The following CCDC171 variants were observed in gnomAD, a reference collection of about 807,000 sequenced individuals.
The protein encoded by CCDC171 is coiled-coil domain containing 171, also known as coiled-coil domain-containing protein 171.
A neutral mutation model predicts 168.2 loss-of-function variants in CCDC171; 177 were observed. That is an observed-to-expected ratio of 1.05 (90% confidence interval 0.93 to 1.19). The LOEUF (loss-of-function observed/expected upper bound fraction) is 1.19, where lower values mean the gene tolerates loss of function less well. Ranked by LOEUF, CCDC171 falls within the 50% of genes most tolerant of loss-of-function variation. CCDC171 has a pLI of 0.00. For missense variants in CCDC171, 1,991 were observed against 1,539.0 expected (o/e 1.29, Z -4.91); for synonymous variants, 687 against 540.8 (o/e 1.27, Z -3.75).
At chr9:15,689,497 G>T (rs1299329660) in intron 10 of CCDC171, among the ~76,000 whole-genome samples, 1 of 152,190 alleles carries the variant, frequency 6.6e-6, no homozygotes, top group Non-Finnish European at 1.5e-5. Context: ...GATCACTTGA[G>T]GTCTGGAGTT....
chr9:15,556,685 T>C (rs1220240537), intron 1 of CCDC171, among the ~76,000 whole-genome samples: 3 of 152,034 alleles, frequency 2.0e-5, no homozygotes, highest in Non-Finnish European at 2.9e-5. Context: ...TCCCATTCTG[T>C]AGGTTGCCTG....
At chr9:15,847,840 T>G (rs932608886) in intron 22 of CCDC171, among the ~76,000 whole-genome samples, 1 of 152,076 alleles carries the variant, frequency 6.6e-6, no homozygotes, top group African/African-American at 2.4e-5. Context: ...TGCTCAAACA[T>G]AATGAAAACA....
At chr9:15,729,228 T>C (rs1213434180) in intron 15 of CCDC171, among the ~76,000 whole-genome samples, 2 of 152,192 alleles carry the variant, frequency 1.3e-5, no homozygotes, top group East Asian at 1.9e-4. Context: ...CTTTATTTCA[T>C]GTAAACTGTT....
chr9:15,724,756 TTA>T lies in CCDC171; in HGVS notation c.1492-18_1492-17del. On this transcript the variant is annotated intron_variant, in intron 13 of 25. Transcript: ENST00000380701. ...GTTGGCTGGCCTTTCTACAATCTCT[TTA>T]TTTGGTATCTATGACAGGAACTTCA... 1 of 1,590,432 alleles carries T rather than the reference TTA, an allele frequency of 6.3e-7. No homozygotes were observed. The highest frequency in any genetic ancestry group is 8.6e-7 in the Non-Finnish European group (1 of 1,159,648).
Position 15,868,498 on chromosome 9 carries a change from TGAGA to T in CCDC171, c.3469-6018_3469-6015del, listed in dbSNP as rs71325945. Among the ~76,000 whole-genome samples the T allele has an allele frequency of 7.7e-4, 114 of 148,932 alleles. 1 individual carries two copies. The highest frequency in any genetic ancestry group is 2.5e-3 in the African/African-American group (101 of 40,608). ...TCATGTGTGTACACGTGTGTGTGTG[TGAGA>T]GAGAGAGAGAGAGAGGATATGAATG... On this transcript the variant is annotated intron_variant, in intron 23 of 25. Coordinates refer to ENST00000380701, the MANE Select transcript of CCDC171 (RefSeq NM_173550.4).
At chr9:15,812,919 C>G (rs1227205912) in intron 21 of CCDC171, among the ~76,000 whole-genome samples, 1 of 152,154 alleles carries the variant, frequency 6.6e-6, no homozygotes, top group Non-Finnish European at 1.5e-5. Flanking sequence ...CTATGAGGAC[C>G]TACATTTGGA....
intron 21 of CCDC171, among the ~76,000 whole-genome samples, chr9:15,805,896 T>C (rs2059050383): frequency 6.6e-6 from 1 of 152,160 alleles, no homozygotes; most frequent in Non-Finnish European, 1.5e-5. Flanking sequence ...AGACTAAGTC[T>C]CTTTGAAGGT....
rs1349369621 is a variant in CCDC171 at position 15,580,727 on chromosome 9, AT to A, written c.352+1705del. 1.6e-4 allele frequency among the ~76,000 whole-genome samples: 25 copies of A among 152,356 alleles called. 1 individual carries two copies. Among genetic ancestry groups the A allele is most frequent in the South Asian group, 1.4e-3 (7 of 4,832 alleles). On this transcript the variant is annotated intron_variant, in intron 4 of 25. Coordinates refer to ENST00000380701, the MANE Select transcript of CCDC171 (RefSeq NM_173550.4). ...ATGGCCATAATTTAAAAATAAAAAA[AT>A]AACAGATGTTGCATGGATGTGGTAA...
chr9:15,985,761 GCA>G lies in CCDC171; in HGVS notation n.369-34827_369-34826del, dbSNP rs1443191365. Among the ~76,000 whole-genome samples the G allele has an allele frequency of 5.9e-5, 9 of 152,240 alleles. No homozygotes were observed. The East Asian group carries it at 1.5e-3, about 26-fold the overall frequency. On this transcript the variant is annotated intron_variant and non_coding_transcript_variant, in intron 3 of 9. Coordinates refer to the CCDC171 transcript ENST00000486641. The stretch of plus-strand genomic sequence containing the variant: ...TTTATTTCTGATCTTCCCATGAGAG[GCA>G]GAGGTAATTCAGTACTTATTTAAAA...
At chr9:15,561,856 C>T (rs2039328636) in intron 1 of CCDC171, among the ~76,000 whole-genome samples, 1 of 152,006 alleles carries the variant, frequency 6.6e-6, no homozygotes, top group African/African-American at 2.4e-5. Context: ...TGATAAAAGA[C>T]ACACAGGCAG....
intron 4 of CCDC171, among the ~76,000 whole-genome samples, chr9:15,584,579 G>A (rs546825759): frequency 6.6e-6 from 1 of 152,274 alleles, no homozygotes; most frequent in Admixed American, 6.5e-5. Flanking sequence ...GATCACATGA[G>A]GGCCCCATGA....
intron 6 of CCDC171, among the ~76,000 whole-genome samples, chr9:16,025,898 A>AG (rs1417627028): frequency 1.3e-5 from 2 of 152,344 alleles, no homozygotes; most frequent in East Asian, 3.9e-4. Flanking sequence ...ATGCACTAAA[A>AG]GCCACTAATT....
At chr9:15,881,477 A>G (rs1047320137) in intron 24 of CCDC171, among the ~76,000 whole-genome samples, 14 of 152,214 alleles carry the variant, frequency 9.2e-5, no homozygotes, top group Non-Finnish European at 1.9e-4. Context: ...TTTTCTTTAT[A>G]TTAGAACCAT....
intron 4 of CCDC171, among the ~76,000 whole-genome samples, chr9:15,582,507 A>G (rs1224708163): frequency 6.6e-6 from 1 of 152,220 alleles, no homozygotes; most frequent in Non-Finnish European, 1.5e-5. Context: ...ACTGTTCACA[A>G]TAGCAAAGAC....
chr9:15,579,598 C>T (rs1396266892), intron 4 of CCDC171, among the ~76,000 whole-genome samples: 1 of 152,182 alleles, frequency 6.6e-6, no homozygotes, highest in Non-Finnish European at 1.5e-5. Context: ...AGCGATATCA[C>T]TCATAACAAG....
intron 1 of CCDC171, among the ~76,000 whole-genome samples, chr9:15,557,788 G>T (rs1183515528): frequency 6.6e-6 from 1 of 152,092 alleles, no homozygotes; most frequent in Non-Finnish European, 1.5e-5. Context: ...AATAGGAGTG[G>T]TGAGAGGGGG....
intron 21 of CCDC171, among the ~76,000 whole-genome samples, chr9:15,803,012 G>A (rs2058901868): frequency 6.6e-6 from 1 of 152,140 alleles, no homozygotes; most frequent in Admixed American, 6.6e-5. Context: ...GATCAGTGAT[G>A]TTGAGCTTAT....
chr9:15,895,340 G>A (rs573465014), intron 24 of CCDC171, among the ~76,000 whole-genome samples: 3 of 152,210 alleles, frequency 2.0e-5, no homozygotes, highest in East Asian at 3.9e-4. Flanking sequence ...TACTTGCTAA[G>A]TGTTAGAGAA....
intron 1 of CCDC171, among the ~76,000 whole-genome samples, chr9:15,560,346 C>T (rs1039512773): frequency 5.9e-5 from 9 of 152,236 alleles, no homozygotes; most frequent in Middle Eastern, 3.4e-3. Flanking sequence ...CCATTCTCCC[C>T]GTCACTTTCA....
Sources: allele counts gnomAD v4.1 joint callset (sites outside exome capture counted in the v4.1 genomes callset), GRCh38; gene constraint gnomAD v4.1.1; transcripts MANE v1.5; gene names NCBI Gene and HGNC (gene_info 2026-07-23, HGNC 2026-07-21).